Variants in EYA2 observed in about 807,000 individuals in gnomAD.
EYA2 encodes the protein protein phosphatase EYA2.
In EYA2, 31 loss-of-function variants were observed where a neutral mutation model predicts 69.2. The ratio of observed to expected loss-of-function variants is 0.45; its 90% CI spans 0.34 to 0.60. EYA2 has a LOEUF of 0.60. Among genes scored for constraint, EYA2 ranks in the 20% least tolerant of loss-of-function variants. The pLI is 0.02. For missense variants in EYA2, 622 were observed against 701.2 expected, an observed-to-expected ratio of 0.89 and a Z score of 1.28; for synonymous variants, 257 against 279.4, an observed-to-expected ratio of 0.92 and a Z score of 0.80.
chr20:47,143,307 C>G (rs914758836), intron 10 of EYA2, among the ~76,000 whole-genome samples, 159 bp downstream of exon 10: 1 of 152,058 alleles, frequency 6.6e-6, no homozygotes, highest in Non-Finnish European at 1.5e-5. Flanking sequence ...CCAAAAAGGC[C>G]CAAAACTGTG....
At chr20:47,185,550 C>T (rs112340771) in intron 15 of EYA2, among the ~76,000 whole-genome samples, 7,090 of 152,150 alleles carry the variant, frequency 0.047, 553 homozygotes, top group African/African-American at 0.16. Flanking sequence ...GATCCGACCA[C>T]CTCAGCCTCC....
At chr20:46,991,307 C>T (rs1394591931) in intron 2 of EYA2, among the ~76,000 whole-genome samples, 1 of 152,248 alleles carries the variant, frequency 6.6e-6, no homozygotes, top group African/African-American at 2.4e-5. Flanking sequence ...CCCACTGCTT[C>T]TCAGCCAAAT....
At chr20:46,906,025 G>T (rs1301784794) in intron 1 of EYA2, among the ~76,000 whole-genome samples, 1 of 152,030 alleles carries the variant, frequency 6.6e-6, no homozygotes, top group Non-Finnish European at 1.5e-5. Flanking sequence ...TAATGATGTG[G>T]GCACCCTTTC....
chr20:46,934,317 GCT>G (rs544322519), intron 1 of EYA2, among the ~76,000 whole-genome samples: 12 of 151,872 alleles, frequency 7.9e-5, no homozygotes, highest in African/African-American at 2.4e-4. Flanking sequence ...ATGTCTCTTG[GCT>G]CTGTTTTCCT....
In EYA2 at chr20:47,047,628, C is replaced by A. The variant is rs150502869; in HGVS notation, c.416-24557C>A. ...TCTTGAACACCTGACCTCAGATAATCCACCTGCCTCAGCCTCCCAAAGTGC... is the reference window on the plus strand; with the variant it reads ...TCTTGAACACCTGACCTCAGATAATACACCTGCCTCAGCCTCCCAAAGTGC... On this transcript the variant is annotated intron_variant, in intron 5 of 15. Transcript: ENST00000327619. Among the ~76,000 whole-genome samples, 21 of 152,288 alleles carry A rather than the reference C, an allele frequency of 1.4e-4. No homozygotes were observed. In the East Asian group the frequency reaches 3.7e-3, roughly 27 times the overall value.
At chr20:46,982,775 CTTT>C (rs10701469) in intron 1 of EYA2, among the ~76,000 whole-genome samples, 3 of 137,388 alleles carry the variant, frequency 2.2e-5, no homozygotes, top group Non-Finnish European at 3.1e-5. Flanking sequence ...CTGTAATTTC[CTTT>C]TTTTTTTTTT....
chr20:46,963,135 A>G (rs933988088), intron 1 of EYA2, among the ~76,000 whole-genome samples: 7 of 152,244 alleles, frequency 4.6e-5, no homozygotes, highest in Non-Finnish European at 8.8e-5. Flanking sequence ...CACACCCTGT[A>G]TCGGCTCCTT....
chr20:46,967,549 C>T (rs1159980239), intron 1 of EYA2, among the ~76,000 whole-genome samples: 2 of 151,918 alleles, frequency 1.3e-5, no homozygotes, highest in African/African-American at 4.8e-5. Context: ...TATGCAGAAA[C>T]CTAAAGTGGG....
chr20:46,978,779 G>T, intron 1 of EYA2: 1 of 498,152 alleles, frequency 2.0e-6, no homozygotes. Context: ...GGACCTGGGC[G>T]ATGGCCATGG....
intron 10 of EYA2, among the ~76,000 whole-genome samples, chr20:47,164,865 A>C (rs1219761005): frequency 6.6e-6 from 1 of 152,206 alleles, no homozygotes; most frequent in Non-Finnish European, 1.5e-5. Flanking sequence ...TTGCTTCAAA[A>C]AAATTTAAAC....
At chr20:47,187,593 A>G (rs2034670989) in intron 15 of EYA2, among the ~76,000 whole-genome samples, 1 of 152,122 alleles carries the variant, frequency 6.6e-6, no homozygotes, top group African/African-American at 2.4e-5. Flanking sequence ...TTCTTCTTGA[A>G]GTAACAGGAT....
intron 5 of EYA2, among the ~76,000 whole-genome samples, chr20:47,023,878 T>C (rs1212491735): frequency 1.3e-5 from 2 of 152,156 alleles, no homozygotes; most frequent in African/African-American, 4.8e-5. Flanking sequence ...GCTCAGGCAG[T>C]CTGCCCACCT....
intron 5 of EYA2, among the ~76,000 whole-genome samples, chr20:47,034,711 A>T (rs1469078613): frequency 6.6e-6 from 1 of 152,336 alleles, no homozygotes; most frequent in South Asian, 2.1e-4. Context: ...AAAGCACCAC[A>T]ATCTGGGTCA....
intron 1 of EYA2, among the ~76,000 whole-genome samples, chr20:46,898,754 T>C (rs1983942812): frequency 6.6e-6 from 1 of 152,228 alleles, no homozygotes; most frequent in African/African-American, 2.4e-5. Context: ...ACTTGTGTTA[T>C]TGTAAATGAA....
At chr20:46,936,477 A>C (rs1464228345) in intron 1 of EYA2, among the ~76,000 whole-genome samples, 1 of 152,194 alleles carries the variant, frequency 6.6e-6, no homozygotes, top group African/African-American at 2.4e-5. Context: ...TCTCAATAAA[A>C]ATAAATGAAT....
At chr20:47,150,681 G>T (rs573444870) in intron 10 of EYA2, among the ~76,000 whole-genome samples, 3 of 152,074 alleles carry the variant, frequency 2.0e-5, no homozygotes, top group South Asian at 2.1e-4. Context: ...TACCCAGGCT[G>T]GTCTCAAATT....
intron 1 of EYA2, among the ~76,000 whole-genome samples, chr20:46,981,310 G>C (rs966681277): frequency 6.6e-6 from 1 of 152,198 alleles, no homozygotes; most frequent in Non-Finnish European, 1.5e-5. Context: ...TGGAAACTGA[G>C]TTGCCTTGAG....
At chr20:47,155,136 G>A (rs1019708289) in intron 10 of EYA2, among the ~76,000 whole-genome samples, 4 of 151,938 alleles carry the variant, frequency 2.6e-5, no homozygotes, top group South Asian at 2.1e-4. Flanking sequence ...GATTACAGGC[G>A]TGAGCCGCCG....
At chr20:47,002,692 C>T (rs974546615) in intron 3 of EYA2, among the ~76,000 whole-genome samples, 2 of 152,160 alleles carry the variant, frequency 1.3e-5, no homozygotes, top group African/African-American at 4.8e-5. Context: ...CTTTCTTCCT[C>T]CTCTACCATT....
Sources: gnomAD v4.1 joint callset for allele counts (sites outside exome capture counted in the v4.1 genomes callset) on GRCh38, gnomAD v4.1.1 for gene constraint, MANE v1.5 for transcripts, NCBI Gene and HGNC (gene_info 2026-07-23, HGNC 2026-07-21) for gene names.